KIRREL3: variants seen among roughly 807,000 people sequenced by gnomAD.
The protein encoded by KIRREL3 is kin of IRRE-like protein 3.
In KIRREL3, 36 loss-of-function variants were observed where a neutral mutation model predicts 89.7. That is an observed-to-expected ratio of 0.40 (90% CI 0.31 to 0.53). The LOEUF (loss-of-function observed/expected upper bound fraction) is 0.53, where lower values mean the gene tolerates loss of function less well. KIRREL3 is among the 20% of genes least tolerant of loss of function. The probability of loss-of-function intolerance (pLI) is 0.49; values close to 1 mark genes in which losing one functional copy is unlikely to be tolerated. For missense variants in KIRREL3, 864 were observed against 1,056.6 expected (o/e 0.82, Z 2.53); for synonymous variants, 445 against 441.4 (o/e 1.01, Z -0.10).
intron 1 of KIRREL3, among the ~76,000 whole-genome samples, chr11:126,591,274 A>T (rs766244798): frequency 7.2e-5 from 11 of 152,202 alleles, no homozygotes; most frequent in Non-Finnish European, 1.6e-4. Context: ...CTGTATTAAG[A>T]TGTTAACATC....
Position 126,471,495 on chromosome 11 carries a change from G to A in KIRREL3, c.591+1814C>T, listed in dbSNP as rs1468191831. 6.6e-6 allele frequency among the ~76,000 whole-genome samples: 1 copy of A among 152,164 alleles called. No homozygotes were observed. The highest frequency in any genetic ancestry group is 2.4e-5 in the African/African-American group (1 of 41,426). ...CCCCAGGGTCAGTTGGGGCTGGGGTGGGAGGTGTGGGGAGAGTGTGGGCAC... is the reference window on the plus strand; with the variant it reads ...CCCCAGGGTCAGTTGGGGCTGGGGTAGGAGGTGTGGGGAGAGTGTGGGCAC... On this transcript the variant is annotated intron_variant, in intron 5 of 16. Transcript: ENST00000525144. This position sits in a 1 kb window ranked among gnomAD's most constrained non-coding sequence, Gnocchi z 5.4.
chr11:126,841,254 C>T (rs1435021220), intron 1 of KIRREL3, among the ~76,000 whole-genome samples: 1 of 152,182 alleles, frequency 6.6e-6, no homozygotes, highest in Non-Finnish European at 1.5e-5. Flanking sequence ...TCCTGTTTGT[C>T]TGGAACAACT....
chr11:126,526,171 T>C lies in KIRREL3; in HGVS notation c.283+367A>G, dbSNP rs1476691725. Among the ~76,000 whole-genome samples, 1 of 152,192 alleles carries C rather than the reference T, an allele frequency of 6.6e-6. No homozygotes were observed. Among genetic ancestry groups the C allele is most frequent in the Non-Finnish European group, 1.5e-5 (1 of 68,026 alleles). On this transcript the variant is annotated intron_variant, in intron 3 of 16. Transcript: ENST00000525144. This position sits in a 1 kb window ranked among gnomAD's most constrained non-coding sequence, Gnocchi z 5.7. ...GTTGTGACTTGTATTTCCTTAATAA[T>C]TGTGCCTTAATAAATGGGGGATACA...
rs538250898 is a variant in KIRREL3, at chr11:126,571,161, A to T, written c.56-8249T>A. 1.3e-5 allele frequency among the ~76,000 whole-genome samples: 2 copies of T among 152,298 alleles called. No homozygotes were observed. Among genetic ancestry groups the T allele is most frequent in the South Asian group, 4.2e-4 (2 of 4,812 alleles). ...CGACTCCCAACCAATTCGGAGTCTC[A>T]GCCCTTTGGGCTGGCTTTTTGATAC... is the stretch of plus-strand genomic sequence containing the variant. On this transcript the variant is annotated intron_variant, in intron 1 of 16. Transcript: ENST00000525144. This position sits in a 1 kb window ranked among gnomAD's most constrained non-coding sequence, Gnocchi z 7.7.
intron 1 of KIRREL3, among the ~76,000 whole-genome samples, chr11:126,735,577 G>A (rs1389056436): frequency 1.3e-5 from 2 of 152,224 alleles, no homozygotes; most frequent in Non-Finnish European, 2.9e-5. Flanking sequence ...GGGAATTGGG[G>A]CTTATTGGAG....
chr11:126,922,061 T>C (rs1241534987), intron 1 of KIRREL3, among the ~76,000 whole-genome samples: 1 of 151,838 alleles, frequency 6.6e-6, no homozygotes, highest in Non-Finnish European at 1.5e-5. Context: ...TATCTATCCA[T>C]CCATCTTCCT....
chr11:126,488,814 G>T (rs1957433880), intron 4 of KIRREL3, among the ~76,000 whole-genome samples: 1 of 152,140 alleles, frequency 6.6e-6, no homozygotes, highest in Non-Finnish European at 1.5e-5. Flanking sequence ...ATCTAATCAA[G>T]TTGTCCCTCT....
intron 1 of KIRREL3, among the ~76,000 whole-genome samples, chr11:126,841,611 C>T (rs939514): frequency 0.85 from 129,447 of 152,240 alleles, 55,234 homozygotes; most frequent in East Asian, 1. Context: ...GATCTTGTAT[C>T]CCCAGGACCA....
chr11:126,798,328 T>A (rs762988111), intron 1 of KIRREL3, among the ~76,000 whole-genome samples: 4 of 151,844 alleles, frequency 2.6e-5, no homozygotes, highest in Non-Finnish European at 5.9e-5. Flanking sequence ...CTGGGGTTCC[T>A]AACCTGCTGG....
At chr11:126,634,038 C>T (rs1293383983) in intron 1 of KIRREL3, among the ~76,000 whole-genome samples, 1 of 152,202 alleles carries the variant, frequency 6.6e-6, no homozygotes, top group Non-Finnish European at 1.5e-5. Context: ...ATCCTTCCCT[C>T]CTGCTCTGGG....
Position 126,736,928 on chromosome 11 carries a change from A to G in KIRREL3, c.56-174016T>C, listed in dbSNP as rs1029973037. 2.0e-5 allele frequency among the ~76,000 whole-genome samples: 3 copies of G among 152,314 alleles called. No homozygotes were observed. In the East Asian group the frequency reaches 5.8e-4, roughly 29 times the overall value. The stretch of plus-strand genomic sequence containing the variant: ...CACAAGCATGGTGTGGAAAGGTCCT[A>G]CTTAGTTTTCCAGGGAGCCAGCAAT... On this transcript the variant is annotated intron_variant, in intron 1 of 16. Transcript: ENST00000525144. The surrounding 1 kb of genome is among the most constrained non-coding windows in gnomAD (Gnocchi z 5.0).
intron 4 of KIRREL3, among the ~76,000 whole-genome samples, chr11:126,502,882 C>T (rs1199002507): frequency 1.3e-5 from 2 of 152,310 alleles, no homozygotes; most frequent in Middle Eastern, 3.4e-3. Flanking sequence ...ATTTTTCTCT[C>T]TTGCGATGGA....
intron 5 of KIRREL3, among the ~76,000 whole-genome samples, chr11:126,468,892 T>C (rs1413725526): frequency 6.6e-6 from 1 of 152,146 alleles, no homozygotes; most frequent in Non-Finnish European, 1.5e-5. Flanking sequence ...GGATCCCAGG[T>C]TTGAGCTAGG....
In KIRREL3 at chr11:126,853,588, T is replaced by A. The variant is rs1944409888; in HGVS notation, c.55+146867A>T. Among the ~76,000 whole-genome samples the A allele has an allele frequency of 2.0e-5, 3 of 152,196 alleles. No homozygotes were observed. In the South Asian group the frequency reaches 6.2e-4, roughly 31 times the overall value. Reference sequence around the variant, plus strand: ...TTTGATGCCACAAAAGAAATTGAAATAGGAAAAACATCCACCCACAGCTTC... The same window carrying A: ...TTTGATGCCACAAAAGAAATTGAAAAAGGAAAAACATCCACCCACAGCTTC... On this transcript the variant is annotated intron_variant, in intron 1 of 16. Coordinates refer to ENST00000525144, the MANE Select transcript of KIRREL3 (RefSeq NM_032531.4).
At position 126,600,971 on chromosome 11, in the gene KIRREL3, C is replaced by T. The variant is rs78211635; in HGVS notation, c.56-38059G>A. On this transcript the variant is annotated intron_variant, in intron 1 of 16. Transcript: ENST00000525144. ...TTCCCTTCTCTCTCTCACCCCTCCA[C>T]GGATCTCCTACCCCAGGAAGGTCAG... 3.3e-3 allele frequency among the ~76,000 whole-genome samples: 506 copies of T among 152,262 alleles called. 2 individuals carry two copies. The highest frequency in any genetic ancestry group is 0.012 in the Admixed American group (179 of 15,284).
chr11:126,536,428 A>C (rs1439994780), intron 2 of KIRREL3, among the ~76,000 whole-genome samples: 1 of 152,118 alleles, frequency 6.6e-6, no homozygotes. Flanking sequence ...CACTGTCCCA[A>C]GTCTATTGCT....
chr11:126,861,969 A>G (rs1565361282), intron 1 of KIRREL3, among the ~76,000 whole-genome samples: 1 of 152,212 alleles, frequency 6.6e-6, no homozygotes, highest in Admixed American at 6.5e-5. Context: ...GCACATGAGC[A>G]TGGCTCGTAG....
chr11:126,859,361 C>T (rs1486455982), intron 1 of KIRREL3, among the ~76,000 whole-genome samples: 1 of 152,206 alleles, frequency 6.6e-6, no homozygotes, highest in Non-Finnish European at 1.5e-5. Context: ...TTCAAGGTCA[C>T]TGAGCAACAT....
chr11:126,439,563 T>A (rs576502195), intron 11 of KIRREL3, among the ~76,000 whole-genome samples: 1 of 149,500 alleles, frequency 6.7e-6, no homozygotes, highest in Admixed American at 6.7e-5. Flanking sequence ...ACGCCTGTAA[T>A]CCCAGCACTT....
Sources: allele counts gnomAD v4.1 joint callset (sites outside exome capture counted in the v4.1 genomes callset), GRCh38; gene constraint gnomAD v4.1.1; non-coding constraint Gnocchi (gnomAD v3.1); transcripts MANE v1.5; gene names NCBI Gene and HGNC (gene_info 2026-07-23, HGNC 2026-07-21).